The following VAV3 variants were observed in gnomAD, a reference collection of about 807,000 sequenced individuals.
VAV3 encodes vav guanine nucleotide exchange factor 3, also known as guanine nucleotide exchange factor VAV3.
In VAV3, 94 loss-of-function variants were observed where a neutral mutation model predicts 131.2. The observed-to-expected ratio is 0.72, with a 90% CI of 0.61 to 0.85. VAV3 has a LOEUF of 0.85. Among genes scored for constraint, VAV3 ranks in the 40% least tolerant of loss-of-function variants. The probability of loss-of-function intolerance (pLI) is 0.00; values close to 1 mark genes in which losing one functional copy is unlikely to be tolerated. For missense variants in VAV3, 939 were observed against 1,002.7 expected, an observed-to-expected ratio of 0.94 and a Z score of 0.86; for synonymous variants, 349 against 342.0, an observed-to-expected ratio of 1.02 and a Z score of -0.22.
chr1:107,817,870 A>G (rs76181431), intron 2 of VAV3, among the ~76,000 whole-genome samples: 4 of 152,216 alleles, frequency 2.6e-5, no homozygotes, highest in African/African-American at 9.7e-5. Context: ...GCGGAAAAAA[A>G]TGCAATTTAC....
At chr1:107,911,651 T>C (rs549790146) in intron 1 of VAV3, among the ~76,000 whole-genome samples, 6 of 152,338 alleles carry the variant, frequency 3.9e-5, no homozygotes, top group Non-Finnish European at 8.8e-5. Flanking sequence ...TGGGCCACCA[T>C]AGAGACTGCT....
intron 1 of VAV3, among the ~76,000 whole-genome samples, chr1:107,952,468 T>TTATATA (rs1161088981): frequency 0.48 from 57,398 of 118,838 alleles, 15,354 homozygotes; most frequent in Middle Eastern, 0.64. Flanking sequence ...TAACAAAACT[T>TTATATA]TATATATATA....
chr1:107,896,787 C>A (rs1338700319), intron 1 of VAV3, among the ~76,000 whole-genome samples: 1 of 152,118 alleles, frequency 6.6e-6, no homozygotes, highest in Non-Finnish European at 1.5e-5. Context: ...ATTTATACCA[C>A]TTTTCAGACT....
intron 1 of VAV3, among the ~76,000 whole-genome samples, chr1:107,962,687 T>C (rs1057073527): frequency 2.0e-5 from 3 of 152,288 alleles, no homozygotes; most frequent in Non-Finnish European, 4.4e-5. Flanking sequence ...GTACTAGCCT[T>C]CTAGGATTCA....
intron 1 of VAV3, among the ~76,000 whole-genome samples, chr1:107,879,367 G>A (rs1056262902): frequency 1.3e-5 from 2 of 152,140 alleles, no homozygotes; most frequent in Non-Finnish European, 2.9e-5. Context: ...ATATACACAG[G>A]ATTGGCCTAA....
At chr1:107,746,752 T>C (rs1663370872) in intron 15 of VAV3, among the ~76,000 whole-genome samples, 1 of 152,142 alleles carries the variant, frequency 6.6e-6, no homozygotes, top group African/African-American at 2.4e-5. Context: ...TCCATAAAAG[T>C]GGGATTACTT....
At chr1:107,760,636 T>C in intron 10 of VAV3, 148 bp downstream of exon 10, 2 of 539,110 alleles carry the variant, frequency 3.7e-6, no homozygotes, top group Non-Finnish European at 6.5e-6. Context: ...CCAGCTGTTC[T>C]GTTATTTCCC....
intron 1 of VAV3, among the ~76,000 whole-genome samples, chr1:107,888,542 T>A (rs1671150089): frequency 6.6e-6 from 1 of 152,172 alleles, no homozygotes; most frequent in East Asian, 1.9e-4. Flanking sequence ...CACTGCAACC[T>A]CCACCTCCCA....
intron 15 of VAV3, among the ~76,000 whole-genome samples, chr1:107,724,750 G>C (rs565431690): frequency 1.1e-4 from 16 of 152,128 alleles, no homozygotes; most frequent in Admixed American, 8.5e-4. Context: ...TATGATGAAA[G>C]GTGCAGAGGT....
chr1:107,649,791 T>A (rs1181001729), intron 19 of VAV3, among the ~76,000 whole-genome samples: 1 of 152,106 alleles, frequency 6.6e-6, no homozygotes, highest in African/African-American at 2.4e-5. Flanking sequence ...TATTTACAGA[T>A]CATTCATGCA....
At chr1:107,684,471 G>T (rs983036511) in intron 18 of VAV3, among the ~76,000 whole-genome samples, 21 of 152,124 alleles carry the variant, frequency 1.4e-4, no homozygotes, top group African/African-American at 5.1e-4. Flanking sequence ...TTTCTCTCAG[G>T]GTTCTTTCTG....
chr1:107,609,431 C>T (rs1652546086), intron 22 of VAV3: 1 of 152,102 alleles, frequency 6.6e-6, no homozygotes, highest in Non-Finnish European at 1.5e-5. Flanking sequence ...CACCTGTAAT[C>T]CCAGCACTTT....
chr1:107,952,487 C>CATATATATATATATATATATAT (rs1173992663), intron 1 of VAV3, among the ~76,000 whole-genome samples: 1 of 133,460 alleles, frequency 7.5e-6, no homozygotes, highest in African/African-American at 3.1e-5. Context: ...TATATATATA[C>CATATATATATATATATATATAT]ACACATAAAT....
chr1:107,658,710 C>G (rs1288931349), intron 19 of VAV3, among the ~76,000 whole-genome samples: 1 of 152,174 alleles, frequency 6.6e-6, no homozygotes, highest in African/African-American at 2.4e-5. Context: ...TGATGATGAG[C>G]ATTTTTTCAT....
intron 19 of VAV3, among the ~76,000 whole-genome samples, chr1:107,677,577 T>C (rs1658299155): frequency 1.3e-5 from 2 of 152,228 alleles, no homozygotes; most frequent in Middle Eastern, 3.2e-3. Context: ...TGATAAATGT[T>C]CGAAGTAGCT....
At chr1:107,794,035 C>T (rs911841234) in intron 2 of VAV3, among the ~76,000 whole-genome samples, 1 of 152,266 alleles carries the variant, frequency 6.6e-6, no homozygotes, top group African/African-American at 2.4e-5. Context: ...AGGCGCTTCA[C>T]AGGGAGGATT....
intron 1 of VAV3, among the ~76,000 whole-genome samples, chr1:107,916,326 ACAAT>A (rs1672618325): frequency 6.6e-6 from 1 of 152,214 alleles, no homozygotes; most frequent in Non-Finnish European, 1.5e-5. Flanking sequence ...ATGAATTACT[ACAAT>A]CAATCTATGC....
intron 2 of VAV3, among the ~76,000 whole-genome samples, chr1:107,831,376 T>C (rs775066170): frequency 3.5e-4 from 53 of 152,272 alleles, no homozygotes; most frequent in Admixed American, 1.2e-3. Context: ...GAAAAGGCTA[T>C]CAAAATTGAC....
intron 1 of VAV3, among the ~76,000 whole-genome samples, chr1:107,951,458 CA>C (rs1674531181): frequency 6.6e-6 from 1 of 152,076 alleles, no homozygotes; most frequent in African/African-American, 2.4e-5. Context: ...AATACAAAAG[CA>C]AAAATTGACA....
Sources: gnomAD v4.1 joint callset for allele counts (sites outside exome capture counted in the v4.1 genomes callset) on GRCh38, gnomAD v4.1.1 for gene constraint, MANE v1.5 for transcripts, NCBI Gene and HGNC (gene_info 2026-07-23, HGNC 2026-07-21) for gene names.